The following NALF1 variants were observed in gnomAD, a reference collection of about 807,000 sequenced individuals.
NALF1 encodes the protein family with sequence similarity 155 member A.
Under a neutral mutation model 48.4 loss-of-function variants are expected in NALF1, and 3 were observed. The observed-to-expected ratio is 0.06, with a 90% confidence interval of 0.03 to 0.16. NALF1 has a LOEUF of 0.16. Ranked by LOEUF, NALF1 falls within the 10% of genes least tolerant of loss-of-function variation. NALF1 has a pLI of 1.00. For missense variants in NALF1, 526 were observed against 571.5 expected (o/e 0.92, Z 0.81); for synonymous variants, 262 against 245.7 (o/e 1.07, Z -0.62).
At chr13:107,738,127 G>T (rs1016805091) in intron 1 of NALF1, among the ~76,000 whole-genome samples, 1 of 152,028 alleles carries the variant, frequency 6.6e-6, no homozygotes, top group Admixed American at 6.6e-5. Flanking sequence ...CTTATCATCC[G>T]TCTCATTTAA....
At chr13:107,786,276 C>T (rs750400087) in intron 1 of NALF1, among the ~76,000 whole-genome samples, 15 of 151,530 alleles carry the variant, frequency 9.9e-5, no homozygotes, top group Non-Finnish European at 7.4e-5. Context: ...ATTAGCTGAG[C>T]GTGGTGGTGC....
intron 1 of NALF1, among the ~76,000 whole-genome samples, chr13:107,361,023 G>GT (rs1222293590): frequency 6.6e-6 from 1 of 152,060 alleles, no homozygotes; most frequent in African/African-American, 2.4e-5. Context: ...AAATGTAAAG[G>GT]TTTGATCAGT....
chr13:107,532,329 T>A (rs960699438), intron 1 of NALF1, among the ~76,000 whole-genome samples: 2 of 152,076 alleles, frequency 1.3e-5, no homozygotes, highest in African/African-American at 4.8e-5. Flanking sequence ...ATTAAGAAAT[T>A]TCAATGATTT....
intron 1 of NALF1, among the ~76,000 whole-genome samples, chr13:107,402,852 T>C (rs1883832352): frequency 6.6e-6 from 1 of 152,174 alleles, no homozygotes; most frequent in Non-Finnish European, 1.5e-5. Context: ...ATTACCACTA[T>C]TAAAGTTCTG....
chr13:107,620,750 C>T (rs9520517), intron 1 of NALF1, among the ~76,000 whole-genome samples: 88,321 of 152,078 alleles, frequency 0.58, 28,053 homozygotes, highest in East Asian at 1. Context: ...ACCTCCGCCA[C>T]ACTTGTCTTT....
At chr13:107,534,257 GT>G (rs1876734284) in intron 1 of NALF1, among the ~76,000 whole-genome samples, 1 of 151,882 alleles carries the variant, frequency 6.6e-6, no homozygotes, top group Admixed American at 6.6e-5. Context: ...CCACAAACAT[GT>G]TTACTTCAGA....
intron 1 of NALF1, among the ~76,000 whole-genome samples, chr13:107,733,141 A>G (rs1045772319): frequency 3.3e-5 from 2 of 61,372 alleles, no homozygotes; most frequent in Non-Finnish European, 9.2e-5. Context: ...AAGTTATTCT[A>G]GTAGGATAAA....
At chr13:107,398,907 T>C (rs1431696104) in intron 1 of NALF1, among the ~76,000 whole-genome samples, 1 of 152,184 alleles carries the variant, frequency 6.6e-6, no homozygotes, top group East Asian at 1.9e-4. Flanking sequence ...CATTTCTACA[T>C]ACGAGGAAGG....
intron 2 of NALF1, among the ~76,000 whole-genome samples, chr13:107,173,008 T>C (rs985089206): frequency 4.6e-5 from 7 of 152,192 alleles, no homozygotes; most frequent in African/African-American, 1.7e-4. Context: ...TTTACTCAAA[T>C]TTATGAATAA....
intron 1 of NALF1, among the ~76,000 whole-genome samples, chr13:107,257,861 C>A (rs993696230): frequency 8.5e-5 from 13 of 152,152 alleles, no homozygotes; most frequent in African/African-American, 3.1e-4. Flanking sequence ...AAGTCTTTCT[C>A]CTACCAGGAG....
At chr13:107,508,041 T>C (rs540153112) in intron 1 of NALF1, among the ~76,000 whole-genome samples, 1 of 152,262 alleles carries the variant, frequency 6.6e-6, no homozygotes, top group Admixed American at 6.5e-5. Flanking sequence ...TCCTGTTCTG[T>C]CCTATACAAA....
intron 1 of NALF1, among the ~76,000 whole-genome samples, chr13:107,756,725 G>A (rs1877109360): frequency 6.6e-6 from 1 of 152,144 alleles, no homozygotes; most frequent in South Asian, 2.1e-4. Context: ...TCCTCCTACG[G>A]AGGTGCAAAA....
At chr13:107,783,084 C>G (rs1302205997) in intron 1 of NALF1, among the ~76,000 whole-genome samples, 6 of 138,884 alleles carry the variant, frequency 4.3e-5, no homozygotes, top group African/African-American at 1.7e-4. Context: ...GCCCCCTGCC[C>G]GGCCAGCCGC....
chr13:107,337,727 G>A (rs1882587510), intron 1 of NALF1, among the ~76,000 whole-genome samples: 1 of 152,146 alleles, frequency 6.6e-6, no homozygotes, highest in Non-Finnish European at 1.5e-5. Context: ...AGGGATTAGG[G>A]ATCATGGATG....
intron 1 of NALF1, among the ~76,000 whole-genome samples, chr13:107,701,265 C>A (rs1881811666): frequency 6.6e-6 from 1 of 152,074 alleles, no homozygotes; most frequent in African/African-American, 2.4e-5. Flanking sequence ...ATAGATAAAG[C>A]AAATGTGGTA....
intron 1 of NALF1, among the ~76,000 whole-genome samples, chr13:107,587,528 T>G (rs1229440555): frequency 1.3e-5 from 2 of 152,090 alleles, no homozygotes; most frequent in Non-Finnish European, 2.9e-5. Context: ...TTGTTATAGC[T>G]GGGCAGAGGG....
At chr13:107,231,940 A>T (rs1880235120) in intron 1 of NALF1, among the ~76,000 whole-genome samples, 1 of 152,184 alleles carries the variant, frequency 6.6e-6, no homozygotes, top group African/African-American at 2.4e-5. Context: ...AAGCACTTCT[A>T]ATCTATTTCT....
chr13:107,637,345 T>A (rs1880007147), intron 1 of NALF1, among the ~76,000 whole-genome samples: 1 of 152,076 alleles, frequency 6.6e-6, no homozygotes, highest in Admixed American at 6.6e-5. Context: ...TGGGGAATTT[T>A]TATTATATTT....
intron 1 of NALF1, among the ~76,000 whole-genome samples, chr13:107,653,799 C>T (rs150288234): frequency 3.1e-4 from 47 of 152,038 alleles, no homozygotes; most frequent in African/African-American, 1.1e-3. Context: ...CACACAATAA[C>T]AGAAAGAAAT....
Sources: allele counts gnomAD v4.1 joint callset (sites outside exome capture counted in the v4.1 genomes callset), GRCh38; gene constraint gnomAD v4.1.1; transcripts MANE v1.5; gene names NCBI Gene and HGNC (gene_info 2026-07-23, HGNC 2026-07-21).